KIF6: variants seen among roughly 807,000 people sequenced by gnomAD.
KIF6 encodes the protein kinesin family member 6.
Under a neutral mutation model 112.7 loss-of-function variants are expected in KIF6, and 106 were observed. That is an observed-to-expected ratio of 0.94 (90% CI 0.80 to 1.11). The LOEUF is 1.11. Among genes scored for constraint, KIF6 ranks in the 50% least tolerant of loss-of-function variants. The probability of loss-of-function intolerance (pLI) is 0.00; values close to 1 mark genes in which losing one functional copy is unlikely to be tolerated. For synonymous variants in KIF6, 339 were observed against 339.9 expected (o/e 1.00, Z 0.03); for missense variants, 929 against 964.0 (o/e 0.96, Z 0.48).
chr6:39,707,096 G>A (rs1016764230), intron 3 of KIF6, among the ~76,000 whole-genome samples: 4 of 152,188 alleles, frequency 2.6e-5, no homozygotes, highest in African/African-American at 9.7e-5. Context: ...GACATTGGTA[G>A]AATGTATGTG....
chr6:39,363,105 T>C (rs111676661), intron 16 of KIF6, among the ~76,000 whole-genome samples: 2,734 of 152,248 alleles, frequency 0.018, 46 homozygotes, highest in Middle Eastern at 0.037. Context: ...GCCGAGATCA[T>C]GCCATTGCAC....
At chr6:39,594,909 A>T (rs1782166070) in intron 7 of KIF6, among the ~76,000 whole-genome samples, 1 of 151,976 alleles carries the variant, frequency 6.6e-6, no homozygotes, top group Admixed American at 6.6e-5. Context: ...CAGCCCTTAT[A>T]CTCAAAAAGC....
chr6:39,503,129 A>G (rs1399559952), intron 13 of KIF6, among the ~76,000 whole-genome samples: 1 of 152,204 alleles, frequency 6.6e-6, no homozygotes, highest in Non-Finnish European at 1.5e-5. Flanking sequence ...AACTGAAATA[A>G]TAACAAACCA....
chr6:39,635,923 G>A (rs1784604181), intron 4 of KIF6, among the ~76,000 whole-genome samples: 1 of 152,006 alleles, frequency 6.6e-6, no homozygotes, highest in East Asian at 1.9e-4. Context: ...CAAGCAGGTT[G>A]CCAGGGTGTC....
intron 6 of KIF6, among the ~76,000 whole-genome samples, chr6:39,609,613 T>G (rs1055037066): frequency 6.6e-6 from 1 of 152,062 alleles, no homozygotes. Context: ...AAAACAGAAA[T>G]GCAAATGGCC....
chr6:39,577,557 G>A (rs1419876685), intron 10 of KIF6, among the ~76,000 whole-genome samples: 1 of 152,210 alleles, frequency 6.6e-6, no homozygotes, highest in Non-Finnish European at 1.5e-5. Context: ...TGCCGCAGTT[G>A]TATAAAGCCC....
intron 13 of KIF6, among the ~76,000 whole-genome samples, chr6:39,525,409 T>C (rs1473412071): frequency 6.6e-6 from 1 of 152,192 alleles, no homozygotes; most frequent in Non-Finnish European, 1.5e-5. Flanking sequence ...AAGAATTCAT[T>C]TTCTTGAGTA....
chr6:39,453,566 TA>T lies in KIF6; in HGVS notation c.1646-22406del, dbSNP rs551272375. Reference sequence around the variant, plus strand: ...TGACTCTATCACTTCTCGTCCTTCATAAAAAAACAATGGCTACCAAATGGCT... The same window carrying T: ...TGACTCTATCACTTCTCGTCCTTCATAAAAAACAATGGCTACCAAATGGCT... On this transcript the variant is annotated intron_variant, in intron 13 of 22. Transcript: ENST00000287152. Among the ~76,000 whole-genome samples the T allele has an allele frequency of 9.7e-4, 147 of 152,282 alleles. 1 individual carries two copies. Among genetic ancestry groups the T allele is most frequent in the Non-Finnish European group, 1.8e-3 (125 of 68,020 alleles).
At chr6:39,615,350 G>T (rs981406835) in intron 5 of KIF6, among the ~76,000 whole-genome samples, 1 of 152,284 alleles carries the variant, frequency 6.6e-6, no homozygotes, top group South Asian at 2.1e-4. Flanking sequence ...GGAAAAGGGA[G>T]AGATGGGGTA....
At chr6:39,508,087 C>T (rs1776546762) in intron 13 of KIF6, among the ~76,000 whole-genome samples, 1 of 150,814 alleles carries the variant, frequency 6.6e-6, no homozygotes, top group Non-Finnish European at 1.5e-5. Flanking sequence ...TGTTGTGCAG[C>T]TAGGTATCAT....
intron 3 of KIF6, among the ~76,000 whole-genome samples, chr6:39,699,688 C>T (rs1788762706): frequency 6.6e-6 from 1 of 151,976 alleles, no homozygotes; most frequent in Admixed American, 6.6e-5. Context: ...CCCTTAAAAA[C>T]ATTTTAGTAT....
chr6:39,699,858 C>T (rs1025400016), intron 3 of KIF6, among the ~76,000 whole-genome samples: 16 of 152,082 alleles, frequency 1.1e-4, no homozygotes, highest in African/African-American at 3.9e-4. Context: ...AATTTCCTCG[C>T]TTACTTTTCT....
chr6:39,566,616 A>C (rs988841557), intron 10 of KIF6, among the ~76,000 whole-genome samples: 4 of 152,226 alleles, frequency 2.6e-5, no homozygotes, highest in Non-Finnish European at 4.4e-5. Flanking sequence ...TGACTAATTA[A>C]CAGTATGCAA....
chr6:39,343,369 C>T lies in KIF6; in HGVS notation c.2428+340G>A, dbSNP rs1763452605. The T allele has an allele frequency of 7.6e-7, 1 of 1,318,360 alleles. No homozygotes were observed. Among genetic ancestry groups the T allele is most frequent in the Non-Finnish European group, 9.9e-7 (1 of 1,007,986 alleles). The allele number at this position is 1,318,360 out of a possible 1,614,324, so 81.7% of individuals were successfully genotyped here. A position where few individuals can be genotyped will look rare whatever the true frequency, so the allele number is the denominator to read the frequency against. On this transcript the variant is annotated intron_variant, in intron 22 of 22. Coordinates refer to ENST00000287152, the MANE Select transcript of KIF6 (RefSeq NM_145027.6). The surrounding 1 kb of genome is among the most constrained non-coding windows in gnomAD (Gnocchi z 4.1). ...TTACCAAAACATCACTCAGCCCCTT[C>T]CTGTTTGTAGAAGCCTGAGCAGAGG...
chr6:39,539,234 T>C lies in KIF6; in HGVS notation c.1645+769A>G, dbSNP rs1263933371. ...AAGTATAATAATAATAAAATAAAAT[T>C]AAAAAAAAAAGCTGGAAACAGGAAA... On this transcript the variant is annotated intron_variant, in intron 13 of 22. Coordinates refer to ENST00000287152, the MANE Select transcript of KIF6 (RefSeq NM_145027.6). 2.7e-5 allele frequency among the ~76,000 whole-genome samples: 4 copies of C among 146,770 alleles called. No individual in the cohort carries two copies. The East Asian group carries it at 7.9e-4, about 29-fold the overall frequency.
chr6:39,631,918 A>G (rs984179927), intron 5 of KIF6, among the ~76,000 whole-genome samples: 4 of 152,168 alleles, frequency 2.6e-5, no homozygotes, highest in African/African-American at 9.6e-5. Flanking sequence ...TGAAACTTAT[A>G]AAATTATGAA....
At chr6:39,694,274 A>G (rs1329572946) in intron 3 of KIF6, among the ~76,000 whole-genome samples, 1 of 152,070 alleles carries the variant, frequency 6.6e-6, no homozygotes, top group Non-Finnish European at 1.5e-5. Flanking sequence ...AAGGATGTCC[A>G]CTCTCACCAC....
intron 3 of KIF6, among the ~76,000 whole-genome samples, chr6:39,683,387 A>G (rs1291445738): frequency 1.3e-5 from 2 of 152,202 alleles, no homozygotes; most frequent in Non-Finnish European, 2.9e-5. Context: ...AAAAGAGCAA[A>G]TCAGAATGAC....
intron 7 of KIF6, among the ~76,000 whole-genome samples, chr6:39,590,742 T>C (rs1309277176): frequency 2.0e-5 from 3 of 152,074 alleles, no homozygotes; most frequent in Non-Finnish European, 4.4e-5. Context: ...TCAGCCACCA[T>C]GCCCAACCCC....
Sources: gnomAD v4.1 joint callset for allele counts (sites outside exome capture counted in the v4.1 genomes callset) on GRCh38, gnomAD v4.1.1 for gene constraint, Gnocchi (gnomAD v3.1) non-coding constraint, MANE v1.5 for transcripts, NCBI Gene and HGNC (gene_info 2026-07-23, HGNC 2026-07-21) for gene names.